The following NCAM2 variants were observed in gnomAD, a reference collection of about 807,000 sequenced individuals.
NCAM2 encodes neural cell adhesion molecule 2.
Under a neutral mutation model 98.1 loss-of-function variants are expected in NCAM2, and 30 were observed. The observed-to-expected ratio is 0.31, with a 90% CI of 0.23 to 0.41. The LOEUF (loss-of-function observed/expected upper bound fraction) is 0.41. Among genes scored for constraint, NCAM2 ranks in the 10% least tolerant of loss-of-function variants. NCAM2 has a pLI of 1.00. For missense variants in NCAM2, 867 were observed against 1,005.8 expected (o/e 0.86, Z 1.87); for synonymous variants, 368 against 342.4 (o/e 1.07, Z -0.83).
Position 21,292,199 on chromosome 21 carries a change from A to C in NCAM2, c.577A>C (p.Arg193=). The change falls in exon 5 of 18, where the codon AGG becomes CGG. Residue 193 remains arginine (R), a synonymous_variant. Transcript: ENST00000400546. ...IYRCEGRVEA[R]GEIDFRDIIV... is the part of the protein sequence containing the mutation. ...CAGATGTGAAGGAAGAGTGGAGGCC[A>C]GGGGAGAAATTGACTTCCGTGATAT... 6.2e-7 allele frequency: 1 copy of C among 1,610,466 alleles called. No individual in the cohort carries two copies. Among genetic ancestry groups the C allele is most frequent in the Non-Finnish European group, 8.5e-7 (1 of 1,177,934 alleles).
intron 14 of NCAM2, among the ~76,000 whole-genome samples, chr21:21,474,873 TTA>T (rs1984949851): frequency 6.6e-6 from 1 of 151,924 alleles, no homozygotes; most frequent in Non-Finnish European, 1.5e-5. Flanking sequence ...GCATTTACAA[TTA>T]TATGTTGTGT....
At chr21:21,209,758 A>G (rs760002466) in intron 1 of NCAM2, among the ~76,000 whole-genome samples, 11 of 152,220 alleles carry the variant, frequency 7.2e-5, no homozygotes, top group African/African-American at 2.7e-4. Context: ...GGAATATACA[A>G]TGGCTGAGTA....
At chr21:21,125,089 A>G (rs984867964) in intron 1 of NCAM2, among the ~76,000 whole-genome samples, 2 of 152,056 alleles carry the variant, frequency 1.3e-5, no homozygotes, top group African/African-American at 4.8e-5. Flanking sequence ...TAGTTGTCTT[A>G]TGTCTATTGT....
chr21:21,033,078 G>A (rs1452493976), intron 1 of NCAM2, among the ~76,000 whole-genome samples: 1 of 151,956 alleles, frequency 6.6e-6, no homozygotes, highest in East Asian at 1.9e-4. Context: ...CCAAGTAGCT[G>A]TAGCTGGGAT....
intron 12 of NCAM2, among the ~76,000 whole-genome samples, chr21:21,441,341 C>A (rs1289677498): frequency 1.3e-5 from 2 of 152,132 alleles, no homozygotes; most frequent in South Asian, 2.1e-4. Context: ...AAAGTGATTA[C>A]TCATACCATC....
intron 1 of NCAM2, among the ~76,000 whole-genome samples, chr21:21,037,328 A>G (rs951494821): frequency 5.9e-5 from 9 of 152,206 alleles, no homozygotes; most frequent in Non-Finnish European, 1.2e-4. Context: ...ATGGAATGAT[A>G]TTGGTTATAA....
chr21:21,380,308 T>C (rs1673154383), intron 9 of NCAM2, among the ~76,000 whole-genome samples: 1 of 152,192 alleles, frequency 6.6e-6, no homozygotes, highest in Admixed American at 6.5e-5. Context: ...CTGTGAACTA[T>C]TTTTTCTCTC....
intron 1 of NCAM2, among the ~76,000 whole-genome samples, chr21:21,060,533 A>G (rs1366974403): frequency 1.3e-5 from 2 of 152,286 alleles, no homozygotes; most frequent in Non-Finnish European, 2.9e-5. Flanking sequence ...TATCAGAAAC[A>G]AGTTTTCAAG....
intron 1 of NCAM2, among the ~76,000 whole-genome samples, chr21:21,042,444 A>G (rs935223593): frequency 6.6e-6 from 1 of 152,136 alleles, no homozygotes; most frequent in Non-Finnish European, 1.5e-5. Flanking sequence ...TCGGCCTCCC[A>G]AAGTGCTGGG....
intron 9 of NCAM2, among the ~76,000 whole-genome samples, chr21:21,389,333 C>T (rs1264506673): frequency 6.6e-6 from 1 of 152,188 alleles, no homozygotes; most frequent in Non-Finnish European, 1.5e-5. Context: ...GACCCACTCC[C>T]ATGATTCAGT....
intron 8 of NCAM2, among the ~76,000 whole-genome samples, chr21:21,358,447 A>G (rs1401846840): frequency 7.0e-6 from 1 of 142,402 alleles, no homozygotes; most frequent in Non-Finnish European, 1.6e-5. Flanking sequence ...CTTTGAAATT[A>G]CTTTATTTAT....
chr21:21,286,553 T>G, intron 4 of NCAM2, 141 bp downstream of exon 4: 7 of 906,724 alleles, frequency 7.7e-6, no homozygotes, highest in Non-Finnish European at 1.1e-5. Context: ...CTGTAAGCTC[T>G]ACATTAGGAT....
intron 1 of NCAM2, among the ~76,000 whole-genome samples, chr21:21,226,377 C>G (rs1422368231): frequency 6.6e-6 from 1 of 151,958 alleles, no homozygotes; most frequent in Admixed American, 6.6e-5. Flanking sequence ...GAAACAGAAA[C>G]AAATGTATGT....
chr21:21,096,692 T>G (rs2066131379), intron 1 of NCAM2, among the ~76,000 whole-genome samples: 1 of 151,714 alleles, frequency 6.6e-6, no homozygotes, highest in African/African-American at 2.4e-5. Context: ...CTTCCAACAT[T>G]TTATTCTTTA....
chr21:21,308,988 C>G (rs1438666031), intron 5 of NCAM2, among the ~76,000 whole-genome samples: 3 of 152,002 alleles, frequency 2.0e-5, no homozygotes, highest in Non-Finnish European at 4.4e-5. Context: ...TATGTAGACA[C>G]ATGATTTTTA....
intron 6 of NCAM2, among the ~76,000 whole-genome samples, chr21:21,328,172 T>C (rs1174359436): frequency 6.6e-6 from 1 of 152,192 alleles, no homozygotes; most frequent in African/African-American, 2.4e-5. Context: ...CTATTGTCTA[T>C]TGACATCGCA....
intron 16 of NCAM2, among the ~76,000 whole-genome samples, chr21:21,518,651 G>A (rs1430057331): frequency 1.3e-5 from 2 of 151,078 alleles, no homozygotes; most frequent in Non-Finnish European, 3.0e-5. Context: ...TATATATTAT[G>A]CTATTATATA....
rs760966670 is a variant in NCAM2, at chr21:21,374,041, T to C, written c.1195+28T>C. The C allele has an allele frequency of 2.6e-5, 42 of 1,588,948 alleles. No individual in the cohort carries two copies. In the East Asian group the frequency reaches 9.0e-4, roughly 34 times the overall value. On this transcript the variant is annotated intron_variant, in intron 9 of 17. Transcript: ENST00000400546. ...AAGTTACTTTCCTTTGTATTTTCAT[T>C]AAAATAACTTTGCATGCTTTGAAAC... is the stretch of plus-strand genomic sequence containing the variant.
rs147967346 is a variant in NCAM2 at position 21,209,753 on chromosome 21, A to G, written c.56-70825A>G. 1.2e-4 allele frequency among the ~76,000 whole-genome samples: 18 copies of G among 152,330 alleles called. No individual in the cohort carries two copies. In the East Asian group the frequency reaches 3.5e-3, roughly 29 times the overall value. On this transcript the variant is annotated intron_variant, in intron 1 of 17. Coordinates refer to ENST00000400546, the MANE Select transcript of NCAM2 (RefSeq NM_004540.5). The stretch of plus-strand genomic sequence containing the variant: ...GTGTGTTCTACACATAAGATGGAAT[A>G]TACAATGGCTGAGTAGTGTCCCTCA...
Sources: gnomAD v4.1 joint callset for allele counts (sites outside exome capture counted in the v4.1 genomes callset) on GRCh38, gnomAD v4.1.1 for gene constraint, MANE v1.5 for transcripts, NCBI Gene and HGNC (gene_info 2026-07-23, HGNC 2026-07-21) for gene names.